Variants in KPNA3 observed in about 807,000 individuals in gnomAD.
KPNA3 encodes karyopherin subunit alpha 3.
Under a neutral mutation model 73.8 loss-of-function variants are expected in KPNA3, and 13 were observed. The observed-to-expected ratio is 0.18, with a 90% confidence interval of 0.11 to 0.28. The LOEUF is 0.28. Among genes scored for constraint, KPNA3 ranks in the 10% least tolerant of loss-of-function variants. The pLI, the probability that KPNA3 is intolerant of heterozygous loss-of-function variation, is 1.00. For synonymous variants in KPNA3, 186 were observed against 206.9 expected (o/e 0.90, Z 0.87); for missense variants, 360 against 618.1 (o/e 0.58, Z 4.43).
chr13:49,770,999 T>C (rs1286071803), intron 1 of KPNA3, among the ~76,000 whole-genome samples: 1 of 151,918 alleles, frequency 6.6e-6, no homozygotes, highest in East Asian at 1.9e-4. Flanking sequence ...CTGTAAATTC[T>C]GAAATTGCTA....
chr13:49,788,717 C>CTTT (rs143440962), intron 1 of KPNA3, among the ~76,000 whole-genome samples: 1 of 112,676 alleles, frequency 8.9e-6, no homozygotes, highest in East Asian at 3.3e-4. Flanking sequence ...GCCAGACCCT[C>CTTT]TTTTTTTTTT....
At chr13:49,737,124 C>A (rs1954529045) in intron 2 of KPNA3, among the ~76,000 whole-genome samples, 2 of 152,060 alleles carry the variant, frequency 1.3e-5, no homozygotes, top group African/African-American at 4.8e-5. Flanking sequence ...TGTGTTGTTT[C>A]TAAGTTTTGG....
chr13:49,706,987 GATCC>G (rs1954214023), intron 12 of KPNA3, among the ~76,000 whole-genome samples: 2 of 152,056 alleles, frequency 1.3e-5, no homozygotes, highest in African/African-American at 2.4e-5. Flanking sequence ...CTGACCTCGT[GATCC>G]ACCCGCCTAG....
At chr13:49,734,249 T>C (rs1307205795) in intron 2 of KPNA3, among the ~76,000 whole-genome samples, 1 of 152,242 alleles carries the variant, frequency 6.6e-6, no homozygotes, top group East Asian at 1.9e-4. Flanking sequence ...CTAGAATCCA[T>C]TAAGATTTCT....
intron 1 of KPNA3, among the ~76,000 whole-genome samples, chr13:49,770,834 CAAAAA>C (rs759842886): frequency 0.044 from 3,794 of 85,422 alleles, 170 homozygotes; most frequent in African/African-American, 0.16. Context: ...ACCCACCTAC[CAAAAA>C]AAAAAAAAAA....
intron 1 of KPNA3, among the ~76,000 whole-genome samples, chr13:49,757,791 A>C (rs1954724137): frequency 6.6e-6 from 1 of 152,182 alleles, no homozygotes; most frequent in African/African-American, 2.4e-5. Context: ...TTCACGCTTA[A>C]ACTGTGGTAC....
At chr13:49,706,742 T>G (rs1376387359) in intron 12 of KPNA3, among the ~76,000 whole-genome samples, 1 of 113,270 alleles carries the variant, frequency 8.8e-6, no homozygotes, top group African/African-American at 3.0e-5. Context: ...CAACTGAATT[T>G]CTTTTTTCTT....
At chr13:49,726,150 C>T (rs1954407503) in intron 6 of KPNA3, among the ~76,000 whole-genome samples, 1 of 152,198 alleles carries the variant, frequency 6.6e-6, no homozygotes, top group African/African-American at 2.4e-5. Flanking sequence ...ATATCAAGTG[C>T]TAGTTGAGGC....
intron 1 of KPNA3, among the ~76,000 whole-genome samples, chr13:49,771,100 A>C (rs1441645983): frequency 1.4e-5 from 2 of 147,992 alleles, no homozygotes; most frequent in Non-Finnish European, 3.0e-5. Flanking sequence ...CAAATTTCAG[A>C]ATCAACTTGT....
At chr13:49,791,718 G>T (rs1405702924) in intron 1 of KPNA3, among the ~76,000 whole-genome samples, 1 of 152,148 alleles carries the variant, frequency 6.6e-6, no homozygotes, top group Admixed American at 6.5e-5. Flanking sequence ...CTTTTCCGAA[G>T]CCTGAACACA....
chr13:49,766,578 T>A (rs1391526857), intron 1 of KPNA3, among the ~76,000 whole-genome samples: 1 of 152,228 alleles, frequency 6.6e-6, no homozygotes, highest in Non-Finnish European at 1.5e-5. Flanking sequence ...ACTTAGAATC[T>A]AAATAGCAGA....
intron 15 of KPNA3, 118 bp from the exon 16 acceptor site, chr13:49,702,598 T>C (rs1050919904): frequency 7.5e-6 from 4 of 536,394 alleles, no homozygotes; most frequent in Non-Finnish European, 9.7e-6. Flanking sequence ...TGCTCCCCCA[T>C]CTAAGATAGT....
At chr13:49,781,979 A>G (rs1954944473) in intron 1 of KPNA3, among the ~76,000 whole-genome samples, 1 of 152,196 alleles carries the variant, frequency 6.6e-6, no homozygotes, top group Non-Finnish European at 1.5e-5. Context: ...AGCCGGCAGG[A>G]ATTAACGGAT....
In KPNA3 at chr13:49,781,580, G is replaced by T. The variant is rs143189368; in HGVS notation, c.69+10858C>A. 7.2e-5 allele frequency among the ~76,000 whole-genome samples: 11 copies of T among 152,254 alleles called. No homozygotes were observed. The East Asian group carries it at 2.1e-3, about 29-fold the overall frequency. ...TCACACTCAGTAAAGAATTCGAATA[G>T]CTGCTGAGTGACATAACTGAAGCAA... is the stretch of plus-strand genomic sequence containing the variant. On this transcript the variant is annotated intron_variant, in intron 1 of 16. Coordinates refer to ENST00000261667, the MANE Select transcript of KPNA3 (RefSeq NM_002267.4).
At chr13:49,739,320 C>T (rs535204189) in intron 2 of KPNA3, among the ~76,000 whole-genome samples, 205 of 152,292 alleles carry the variant, frequency 1.3e-3, no homozygotes, top group Non-Finnish European at 2.3e-3. Context: ...TGGGCTCATT[C>T]TCAACCCACG....
At position 49,706,257 on chromosome 13, in the gene KPNA3, A is replaced by G. The variant is rs1167217632; in HGVS notation, c.1137+11T>C. The stretch of plus-strand genomic sequence containing the variant: ...GATTAACAGACACGGTGAACTCATA[A>G]TATGACCAACCTTAGCAAGCTGATG... On this transcript the variant is annotated intron_variant, in intron 13 of 16. Transcript: ENST00000261667. 1.2e-6 allele frequency: 2 copies of G among 1,612,808 alleles called. No homozygotes were observed. The highest frequency in any genetic ancestry group is 2.2e-5 in the East Asian group (1 of 44,866).
At chr13:49,764,965 C>T (rs1169624612) in intron 1 of KPNA3, among the ~76,000 whole-genome samples, 2 of 152,174 alleles carry the variant, frequency 1.3e-5, no homozygotes, top group Non-Finnish European at 2.9e-5. Flanking sequence ...GGTACCTTTG[C>T]GGGAGAACAC....
intron 2 of KPNA3, among the ~76,000 whole-genome samples, chr13:49,737,603 GTGTGTGTGTA>G (rs1954536055): frequency 7.6e-6 from 1 of 131,762 alleles, no homozygotes; most frequent in African/African-American, 2.8e-5. Flanking sequence ...GTGTGTGTGT[GTGTGTGTGTA>G]AGAGCCAGGG....
intron 1 of KPNA3, among the ~76,000 whole-genome samples, chr13:49,757,370 G>A (rs1207753912): frequency 6.6e-6 from 1 of 151,648 alleles, no homozygotes; most frequent in Non-Finnish European, 1.5e-5. Context: ...CCAACCAATG[G>A]AACTAGAAAA....
Sources: allele counts gnomAD v4.1 joint callset (sites outside exome capture counted in the v4.1 genomes callset), GRCh38; gene constraint gnomAD v4.1.1; transcripts MANE v1.5; gene names NCBI Gene and HGNC (gene_info 2026-07-23, HGNC 2026-07-21).